The following FAM91A1 variants were observed in gnomAD, a reference collection of about 807,000 sequenced individuals.
FAM91A1 encodes the protein family with sequence similarity 91 member A1.
FAM91A1 carries 41 observed loss-of-function variants against 113.5 expected under a neutral mutation model. That is an observed-to-expected ratio of 0.36 (90% CI 0.28 to 0.47). The LOEUF (loss-of-function observed/expected upper bound fraction) is 0.47. Ranked by LOEUF, FAM91A1 falls within the 20% of genes least tolerant of loss-of-function variation. The pLI is 1.00. For missense variants in FAM91A1, 696 were observed against 1,001.2 expected (o/e 0.70, Z 4.11); for synonymous variants, 307 against 347.9 (o/e 0.88, Z 1.31).
Position 123,805,283 on chromosome 8 carries a change from G to C in FAM91A1, c.1826G>C (p.Gly609Ala). The change falls in exon 19 of 24, where the codon GGG (glycine) becomes GCG (alanine). Residue 609 changes from glycine to alanine, a missense_variant. Coordinates refer to ENST00000334705, the MANE Select transcript of FAM91A1 (RefSeq NM_144963.4). ...TATGTTTAGGGGCATGGTCTGCATG[G>C]GATAGGAGAAACTGTCCATGTCCCA... ...AVLIQGHGLH[G>A]IGETVHVPFP... is the part of the protein sequence containing the mutation. The C allele has an allele frequency of 6.2e-7, 1 of 1,612,144 alleles. No homozygotes were observed. Among genetic ancestry groups the C allele is most frequent in the South Asian group, 1.1e-5 (1 of 90,846 alleles).
At chr8:123,771,399 G>A (rs1007447238) in intron 1 of FAM91A1, among the ~76,000 whole-genome samples, 9 of 152,204 alleles carry the variant, frequency 5.9e-5, no homozygotes, top group Non-Finnish European at 8.8e-5. Context: ...CTTCGATGTC[G>A]TTTCCAGTAA....
At chr8:123,787,105 T>C (rs1181677286) in intron 12 of FAM91A1, among the ~76,000 whole-genome samples, 156 bp from the exon 13 acceptor site, 1 of 152,212 alleles carries the variant, frequency 6.6e-6, no homozygotes, top group Non-Finnish European at 1.5e-5. Flanking sequence ...CGCTTCAAAA[T>C]AGGTATGGCT....
chr8:123,776,173 A>C (rs1053046879), intron 3 of FAM91A1, among the ~76,000 whole-genome samples: 4 of 152,152 alleles, frequency 2.6e-5, no homozygotes, highest in Non-Finnish European at 4.4e-5. Context: ...CTTGTATTGG[A>C]TAACTTTAAT....
chr8:123,809,477 T>C (rs1008822614), intron 22 of FAM91A1, among the ~76,000 whole-genome samples: 4 of 152,238 alleles, frequency 2.6e-5, no homozygotes, highest in Non-Finnish European at 5.9e-5. Flanking sequence ...AAAATGGATA[T>C]GTATTACTCC....
chr8:123,769,257 A>G (rs186839715), intron 1 of FAM91A1, among the ~76,000 whole-genome samples: 34 of 152,182 alleles, frequency 2.2e-4, no homozygotes, highest in African/African-American at 6.5e-4. Flanking sequence ...TTGGAGGACG[A>G]ATAAGAGTTA....
At chr8:123,795,903 A>C (rs1350443253) in intron 15 of FAM91A1, among the ~76,000 whole-genome samples, 1 of 152,214 alleles carries the variant, frequency 6.6e-6, no homozygotes, top group Non-Finnish European at 1.5e-5. Context: ...TTGAAGGGAA[A>C]AGATAAATGC....
At chr8:123,780,217 T>C in intron 7 of FAM91A1, 142 bp downstream of exon 7, 2 of 792,810 alleles carry the variant, frequency 2.5e-6, no homozygotes, top group Non-Finnish European at 3.9e-6. Flanking sequence ...GACCTTAGTC[T>C]TTTGTTTTCC....
At position 123,815,248 on chromosome 8, in the gene FAM91A1, A is replaced by G. The variant is rs951600648; in HGVS notation, c.*2544A>G. 1.3e-5 allele frequency: 2 copies of G among 151,900 alleles called. No homozygotes were observed. The highest frequency in any genetic ancestry group is 4.9e-5 in the African/African-American group (2 of 41,168). The allele number at this position is 151,900 out of a possible 1,614,324, so 9.4% of individuals were successfully genotyped here. A position where few individuals can be genotyped will look rare whatever the true frequency, so the allele number is the denominator to read the frequency against. ...TTGTTTTCAGTTTTCTCTGCCATTCATGTTTCTTTTTTGTGTTCAGTGTTT... is the reference window on the plus strand; with the variant it reads ...TTGTTTTCAGTTTTCTCTGCCATTCGTGTTTCTTTTTTGTGTTCAGTGTTT... On this transcript the variant is annotated 3_prime_UTR_variant, in exon 24 of 24. Transcript: ENST00000334705.
chr8:123,771,392 C>T (rs1273650074), intron 1 of FAM91A1, among the ~76,000 whole-genome samples: 1 of 152,112 alleles, frequency 6.6e-6, no homozygotes, highest in East Asian at 1.9e-4. Flanking sequence ...TTAGACACTT[C>T]GATGTCGTTT....
At chr8:123,784,908 A>T (rs542109047) in intron 9 of FAM91A1, 173 bp from the exon 10 acceptor site, 2 of 508,772 alleles carry the variant, frequency 3.9e-6, no homozygotes, top group Admixed American at 7.7e-5. Flanking sequence ...GATTTGTACT[A>T]TAAGGATCTT....
intron 19 of FAM91A1, 93 bp from the exon 20 acceptor site, chr8:123,805,987 T>G: frequency 8.2e-7 from 1 of 1,216,086 alleles, no homozygotes; most frequent in Non-Finnish European, 1.1e-6. Context: ...AGTATAAAAG[T>G]AGTTCTAAGA....
chr8:123,794,922 G>A (rs1488790595), intron 15 of FAM91A1, among the ~76,000 whole-genome samples: 1 of 152,216 alleles, frequency 6.6e-6, no homozygotes, highest in Non-Finnish European at 1.5e-5. Context: ...ATAAGAGAAG[G>A]AAACTTATGA....
At chr8:123,782,456 T>G (rs1319659255) in intron 8 of FAM91A1, among the ~76,000 whole-genome samples, 1 of 152,200 alleles carries the variant, frequency 6.6e-6, no homozygotes, top group Non-Finnish European at 1.5e-5. Context: ...GATATAAATA[T>G]AAATGGAGAT....
chr8:123,789,154 A>G (rs1160218938), intron 14 of FAM91A1, among the ~76,000 whole-genome samples: 1 of 152,158 alleles, frequency 6.6e-6, no homozygotes. Context: ...TTGTTGAGTG[A>G]ATTTAAGCTG....
intron 3 of FAM91A1, among the ~76,000 whole-genome samples, chr8:123,776,371 T>C (rs760672882): frequency 2.0e-4 from 31 of 152,168 alleles, no homozygotes; most frequent in Non-Finnish European, 3.5e-4. Context: ...CTACATACGA[T>C]GTGTGCTTTG....
At chr8:123,778,840 G>T in intron 6 of FAM91A1, 68 bp downstream of exon 6, 1 of 1,040,144 alleles carries the variant, frequency 9.6e-7, no homozygotes, top group South Asian at 2.5e-5. Flanking sequence ...TTTAATTATA[G>T]CTTATAATTT....
intron 21 of FAM91A1, 31 bp from the exon 22 acceptor site, chr8:123,808,862 T>TA (rs1408498428): frequency 5.1e-6 from 8 of 1,578,082 alleles, no homozygotes; most frequent in East Asian, 2.3e-5. Context: ...ATATATATGA[T>TA]AAAAAAATAA....
At chr8:123,812,398 T>A in intron 23 of FAM91A1, 121 bp from the exon 24 acceptor site, 2 of 610,640 alleles carry the variant, frequency 3.3e-6, no homozygotes, top group Non-Finnish European at 5.1e-6. Context: ...TTGCATCTCC[T>A]GTACTGCTTT....
intron 18 of FAM91A1, among the ~76,000 whole-genome samples, chr8:123,804,442 A>C (rs1815755350): frequency 1.4e-5 from 2 of 147,418 alleles, no homozygotes; most frequent in Admixed American, 1.4e-4. Context: ...AGTGAGCCAA[A>C]ATTGTGTCAT....
Sources: gnomAD v4.1 joint callset for allele counts (sites outside exome capture counted in the v4.1 genomes callset) on GRCh38, gnomAD v4.1.1 for gene constraint, MANE v1.5 for transcripts, NCBI Gene and HGNC (gene_info 2026-07-23, HGNC 2026-07-21) for gene names.